PPP4R3A: variants seen among roughly 807,000 people sequenced by gnomAD.
PPP4R3A encodes protein phosphatase 4 regulatory subunit 3A.
A neutral mutation model predicts 91.7 loss-of-function variants in PPP4R3A; 15 were observed. That is an observed-to-expected ratio of 0.16 (90% CI 0.11 to 0.25). The LOEUF is 0.25. PPP4R3A is among the 10% of genes least tolerant of loss of function. The pLI is 1.00. For synonymous variants in PPP4R3A, 377 were observed against 348.7 expected (o/e 1.08, Z -0.91); for missense variants, 623 against 998.4 (o/e 0.62, Z 5.07).
At chr14:91,461,705 G>A (rs990891816) in intron 13 of PPP4R3A, 98 bp from the exon 14 acceptor site, 36 of 1,201,054 alleles carry the variant, frequency 3.0e-5, no homozygotes, top group South Asian at 1.1e-4. Flanking sequence ...AGCTTACTAC[G>A]CTGGGTAGAA....
At chr14:91,466,184 A>G in intron 10 of PPP4R3A, 1 of 971,890 alleles carries the variant, frequency 1.0e-6, no homozygotes, top group Non-Finnish European at 1.2e-6. Context: ...ACTTCAACAA[A>G]GCCCTCTTTA....
intron 11 of PPP4R3A, among the ~76,000 whole-genome samples, chr14:91,464,210 A>G (rs1888333488): frequency 1.3e-5 from 2 of 151,702 alleles, no homozygotes. Context: ...AATCCCAGCT[A>G]CTCTAGAGGC....
At chr14:91,501,871 A>ATTTTTTTTTTTTTTTTTTTTT (rs755484959) in intron 1 of PPP4R3A, among the ~76,000 whole-genome samples, 3 of 100,238 alleles carry the variant, frequency 3.0e-5, no homozygotes, top group Non-Finnish European at 5.7e-5. Flanking sequence ...AGCCCGGCTA[A>ATTTTTTTTTTTTTTTTTTTTT]TTTTTTTTTT....
rs1891696360 is a variant in PPP4R3A at position 91,510,050 on chromosome 14, G to A, written c.-403C>T. On this transcript the variant is annotated 5_prime_UTR_variant, in exon 1 of 15. Coordinates refer to ENST00000554943, the MANE Select transcript of PPP4R3A (RefSeq NM_001366432.2). ...GCCGCCTCCTCAGGCCGCCGCCGCC[G>A]CCGCCATATTTTCCTTCCTTATACC... The A allele has an allele frequency of 1.5e-6, 1 of 676,374 alleles. No individual in the cohort carries two copies. The highest frequency in any genetic ancestry group is 1.8e-6 in the Non-Finnish European group (1 of 545,162). The allele number at this position is 676,374 out of a possible 1,614,324, so 41.9% of individuals were successfully genotyped here.
At chr14:91,497,399 C>A (rs1365387441) in intron 1 of PPP4R3A, among the ~76,000 whole-genome samples, 1 of 151,498 alleles carries the variant, frequency 6.6e-6, no homozygotes, top group African/African-American at 2.4e-5. Context: ...TCCCACACAT[C>A]TGAGAAAGAC....
At position 91,468,332 on chromosome 14, in the gene PPP4R3A, A is replaced by G. The variant is rs1412415160; in HGVS notation, c.1660+2505T>C. On this transcript the variant is annotated intron_variant, in intron 10 of 14. Transcript: ENST00000554943. Reference sequence around the variant, plus strand: ...AATAATGAAATGATGAACTGAACTAAAGAAAAGTCCTTTGCTTTCAGCTGC... The same window carrying G: ...AATAATGAAATGATGAACTGAACTAGAGAAAAGTCCTTTGCTTTCAGCTGC... 2.0e-5 allele frequency among the ~76,000 whole-genome samples: 3 copies of G among 152,240 alleles called. No individual in the cohort carries two copies. In the East Asian group the frequency reaches 5.8e-4, roughly 29 times the overall value.
intron 4 of PPP4R3A, among the ~76,000 whole-genome samples, chr14:91,480,656 C>T (rs565752102): frequency 8.6e-4 from 131 of 152,260 alleles, no homozygotes; most frequent in Non-Finnish European, 1.6e-3. Context: ...TTGTGCTTCA[C>T]TCTTTCCTCT....
chr14:91,496,657 TATTAG>T (rs947451549), intron 1 of PPP4R3A, among the ~76,000 whole-genome samples: 1 of 152,150 alleles, frequency 6.6e-6, no homozygotes, highest in African/African-American at 2.4e-5. Context: ...CTATTCAGGA[TATTAG>T]AGGGAAGTAT....
chr14:91,484,252 T>C (rs1232836184), intron 3 of PPP4R3A, among the ~76,000 whole-genome samples: 2 of 152,220 alleles, frequency 1.3e-5, no homozygotes, highest in Non-Finnish European at 2.9e-5. Context: ...CACAGCGAAG[T>C]AGAATATATT....
intron 2 of PPP4R3A, 31 bp from the exon 3 acceptor site, chr14:91,485,761 T>A (rs1164138636): frequency 4.9e-6 from 7 of 1,432,688 alleles, no homozygotes; most frequent in Non-Finnish European, 6.7e-6. Context: ...TCTGAATGAT[T>A]AACATACACT....
intron 10 of PPP4R3A, chr14:91,466,284 G>C (rs888960834): frequency 1.0e-6 from 1 of 985,704 alleles, no homozygotes; most frequent in African/African-American, 1.7e-5. Flanking sequence ...ATCGTCTTCG[G>C]TTGGCAAGAT....
intron 7 of PPP4R3A, 25 bp from the exon 8 acceptor site, chr14:91,473,395 A>AG: frequency 6.3e-7 from 1 of 1,599,926 alleles, no homozygotes; most frequent in African/African-American, 1.3e-5. Context: ...AGACATACTC[A>AG]GGATCACTTA....
chr14:91,507,516 A>G lies in PPP4R3A; in HGVS notation c.142+1990T>C, dbSNP rs184493404. Among the ~76,000 whole-genome samples the G allele has an allele frequency of 6.5e-4, 90 of 137,570 alleles. 1 individual carries two copies. Among genetic ancestry groups the G allele is most frequent in the Non-Finnish European group, 1.0e-3 (66 of 64,438 alleles). The allele number at this position is 137,570 out of a possible 152,430, so 90.3% of individuals were successfully genotyped here. ...TATATAGAATATATGCTATAATTAT[A>G]TATACTATAGTTATATATACTATAT... On this transcript the variant is annotated intron_variant, in intron 1 of 14. Transcript: ENST00000554943.
rs1891694911 is a variant in PPP4R3A, at chr14:91,510,036, A to C, written c.-389T>G. On this transcript the variant is annotated 5_prime_UTR_variant, in exon 1 of 15. An upstream open reading frame in the 5' UTR loses its in-frame stop. Transcript: ENST00000554943. ...CTTCCCGCGCCGCCGCCGCCTCCTC[A>C]GGCCGCCGCCGCCGCCGCCATATTT... The C allele has an allele frequency of 6.4e-6, 5 of 780,412 alleles. No homozygotes were observed. The highest frequency in any genetic ancestry group is 7.8e-6 in the Non-Finnish European group (5 of 640,986). The allele number at this position is 780,412 out of a possible 1,614,324, so 48.3% of individuals were successfully genotyped here.
Position 91,488,907 on chromosome 14 carries a change from C to CTTTTT in PPP4R3A, c.198+1835_198+1839dup, listed in dbSNP as rs10691130. Among the ~76,000 whole-genome samples, 5 of 122,836 alleles carry CTTTTT rather than the reference C, an allele frequency of 4.1e-5. 1 individual carries two copies. Among genetic ancestry groups the CTTTTT allele is most frequent in the African/African-American group, 9.3e-5 (3 of 32,180 alleles). The allele number at this position is 122,836 out of a possible 152,430, so 80.6% of individuals were successfully genotyped here. On this transcript the variant is annotated intron_variant, in intron 2 of 14. Transcript: ENST00000554943. ...AAAACTAGTCATAATATAGATACCA[C>CTTTTT]TTTTTTTTTTTTTTTTTTGAGATGG...
In PPP4R3A at chr14:91,482,362, A is replaced by C. The variant is rs1889622268; in HGVS notation, c.298-169T>G. 2.0e-5 allele frequency among the ~76,000 whole-genome samples: 3 copies of C among 152,232 alleles called. No homozygotes were observed. In the South Asian group the frequency reaches 6.2e-4, roughly 31 times the overall value. On this transcript the variant is annotated intron_variant, in intron 3 of 14. Transcript: ENST00000554943. ...CATTTCTCCAAATATGTATACTTTC[A>C]ATTTTAAGGAAGTTAGTCAAAGTTC...
At chr14:91,471,707 T>C (rs1888844197) in intron 9 of PPP4R3A, among the ~76,000 whole-genome samples, 2 of 152,124 alleles carry the variant, frequency 1.3e-5, no homozygotes, top group African/African-American at 4.8e-5. Context: ...TGGACTTGAT[T>C]CTGGAGTTAC....
intron 1 of PPP4R3A, among the ~76,000 whole-genome samples, chr14:91,495,887 C>A (rs1890532694): frequency 6.6e-6 from 1 of 151,962 alleles, no homozygotes; most frequent in Non-Finnish European, 1.5e-5. Flanking sequence ...CCACTGCACT[C>A]CAGCCTAGGC....
At chr14:91,503,160 A>T (rs1033834950) in intron 1 of PPP4R3A, among the ~76,000 whole-genome samples, 1 of 152,020 alleles carries the variant, frequency 6.6e-6, no homozygotes. Flanking sequence ...CTAATTTTCT[A>T]AACTTTTTGT....
Sources: gnomAD v4.1 joint callset for allele counts (sites outside exome capture counted in the v4.1 genomes callset) on GRCh38, gnomAD v4.1.1 for gene constraint, MANE v1.5 for transcripts, NCBI Gene and HGNC (gene_info 2026-07-23, HGNC 2026-07-21) for gene names.